Variants in GPR39 observed in about 807,000 individuals in gnomAD.
GPR39 encodes G protein-coupled receptor 39.
Under a neutral mutation model 18.4 loss-of-function variants are expected in GPR39, and 23 were observed. The observed-to-expected ratio is 1.25, with a 90% CI of 0.90 to 1.77. The LOEUF is 1.77. Ranked by LOEUF, GPR39 falls within the 40% of genes most tolerant of loss-of-function variation. The pLI is 0.00. For synonymous variants in GPR39, 280 were observed against 257.9 expected (o/e 1.09, Z -0.82); for missense variants, 647 against 602.4 (o/e 1.07, Z -0.78).
intron 1 of GPR39, among the ~76,000 whole-genome samples, chr2:132,611,939 C>G (rs376918570): frequency 1.3e-5 from 2 of 152,116 alleles, no homozygotes; most frequent in South Asian, 4.1e-4. Flanking sequence ...ATGACTGAAA[C>G]GGAGCTTCTC....
At chr2:132,602,310 G>T (rs1440085806) in intron 1 of GPR39, among the ~76,000 whole-genome samples, 1 of 152,110 alleles carries the variant, frequency 6.6e-6, no homozygotes, top group Non-Finnish European at 1.5e-5. Context: ...TCAATAAATG[G>T]TGCTGGGAAA....
At position 132,524,043 on chromosome 2, in the gene GPR39, G is replaced by A. The variant is rs559612547; in HGVS notation, c.856+106145G>A. On this transcript the variant is annotated intron_variant, in intron 1 of 1. Transcript: ENST00000329321. ...CCTGCTGAATCAGAAACTGGGAGTG[G>A]AGCCCAGGAATCTGTATTTTAACCA... 1.1e-3 allele frequency: 169 copies of A among 152,752 alleles called. 2 individuals are homozygous for A. Among genetic ancestry groups the A allele is most frequent in the Non-Finnish European group, 1.5e-3 (101 of 68,034 alleles). The allele number at this position is 152,752 out of a possible 1,614,324, so 9.5% of individuals were successfully genotyped here.
chr2:132,617,855 G>A (rs1245000830), intron 1 of GPR39, among the ~76,000 whole-genome samples: 1 of 152,198 alleles, frequency 6.6e-6, no homozygotes, highest in Non-Finnish European at 1.5e-5. Context: ...CAGTGTCCAT[G>A]TGTGATACTT....
chr2:132,596,811 A>G (rs1680958166), intron 1 of GPR39, among the ~76,000 whole-genome samples: 2 of 152,240 alleles, frequency 1.3e-5, no homozygotes, highest in South Asian at 4.1e-4. Flanking sequence ...ATCTCTGGGA[A>G]TGGAACTTCG....
chr2:132,515,501 A>G (rs897910478), intron 1 of GPR39, among the ~76,000 whole-genome samples: 1 of 152,162 alleles, frequency 6.6e-6, no homozygotes, highest in South Asian at 2.1e-4. Context: ...TGTGATGTTT[A>G]TCAGGTATCA....
At chr2:132,625,692 T>A (rs1681530214) in intron 1 of GPR39, among the ~76,000 whole-genome samples, 1 of 152,134 alleles carries the variant, frequency 6.6e-6, no homozygotes, top group Non-Finnish European at 1.5e-5. Context: ...TTGGAATGAG[T>A]TTTTATTCCT....
chr2:132,638,931 C>T (rs537686203), intron 1 of GPR39, among the ~76,000 whole-genome samples: 1 of 152,312 alleles, frequency 6.6e-6, no homozygotes, highest in Non-Finnish European at 1.5e-5. Flanking sequence ...AGCCTTGCAG[C>T]TCACAGAAGG....
At chr2:132,460,419 C>T (rs532006684) in intron 1 of GPR39, among the ~76,000 whole-genome samples, 3 of 152,008 alleles carry the variant, frequency 2.0e-5, no homozygotes, top group South Asian at 2.1e-4. Context: ...GGAGAAGATG[C>T]TGTTGTAGAA....
At chr2:132,573,056 A>C (rs912984877) in intron 1 of GPR39, among the ~76,000 whole-genome samples, 1 of 152,134 alleles carries the variant, frequency 6.6e-6, no homozygotes, top group Non-Finnish European at 1.5e-5. Context: ...CCCAATGGCC[A>C]TGGGCTGTAT....
rs1382267556 is a variant in GPR39 at position 132,645,154 on chromosome 2, A to C, written c.910A>C (p.Ile304Leu). ...CTGGATGCCCAACCAGATTCGGAGG[A>C]TCATGGCTGCGGCCAAACCCAAGCA... ...VCWMPNQIRRIMAAAKPKHDW... is the reference protein window; with the variant it reads ...VCWMPNQIRRLMAAAKPKHDW... The change falls in exon 2 of 2, where the codon ATC (isoleucine) becomes CTC (leucine). Residue 304 changes from isoleucine to leucine, a missense_variant. This residue lies in a region of GPR39 where 581 missense variants were observed against 506.8 expected (regional missense o/e 1.15). Coordinates refer to ENST00000329321, the MANE Select transcript of GPR39 (RefSeq NM_001508.3). 1 of 1,613,946 alleles carries C rather than the reference A, an allele frequency of 6.2e-7. No homozygotes were observed. The highest frequency in any genetic ancestry group is 8.5e-7 in the Non-Finnish European group (1 of 1,180,014).
At chr2:132,558,608 CG>C (rs1558839107) in intron 1 of GPR39, among the ~76,000 whole-genome samples, 1 of 152,122 alleles carries the variant, frequency 6.6e-6, no homozygotes, top group East Asian at 1.9e-4. Flanking sequence ...GAGATGAGGT[CG>C]GGGGAAAGAA....
chr2:132,430,609 A>G (rs1680208462), intron 1 of GPR39, among the ~76,000 whole-genome samples: 1 of 152,186 alleles, frequency 6.6e-6, no homozygotes, highest in Non-Finnish European at 1.5e-5. Context: ...AGCTTCAGGC[A>G]TCATCCCATC....
intron 1 of GPR39, among the ~76,000 whole-genome samples, chr2:132,553,350 T>C (rs1189395160): frequency 6.8e-6 from 1 of 147,344 alleles, no homozygotes; most frequent in Non-Finnish European, 1.5e-5. Flanking sequence ...TATATGTGTA[T>C]ATATATATGT....
At chr2:132,463,801 G>C (rs917690581) in intron 1 of GPR39, among the ~76,000 whole-genome samples, 2 of 152,186 alleles carry the variant, frequency 1.3e-5, no homozygotes, top group African/African-American at 4.8e-5. Context: ...TAATGTCTCT[G>C]CTGGTTTTGC....
chr2:132,518,214 G>A (rs964702621), intron 1 of GPR39, among the ~76,000 whole-genome samples: 2 of 152,110 alleles, frequency 1.3e-5, no homozygotes, highest in Admixed American at 1.3e-4. Context: ...ATTATTGAAA[G>A]CTAGGGTTTC....
intron 1 of GPR39, among the ~76,000 whole-genome samples, chr2:132,617,199 G>A (rs989145483): frequency 6.6e-6 from 1 of 151,546 alleles, no homozygotes; most frequent in South Asian, 2.1e-4. Context: ...TTCTGGCAGT[G>A]AACTTCCTTG....
intron 1 of GPR39, among the ~76,000 whole-genome samples, chr2:132,607,062 G>T (rs914493552): frequency 6.6e-6 from 1 of 152,132 alleles, no homozygotes; most frequent in Admixed American, 6.5e-5. Context: ...GTATTGAAAG[G>T]CTGGGGGCGG....
chr2:132,481,421 T>C (rs1434241007), intron 1 of GPR39, among the ~76,000 whole-genome samples: 1 of 152,224 alleles, frequency 6.6e-6, no homozygotes, highest in Non-Finnish European at 1.5e-5. Flanking sequence ...CATTTGAGTA[T>C]TGAGAAGTGT....
chr2:132,474,362 G>C (rs1466252233), intron 1 of GPR39, among the ~76,000 whole-genome samples: 1 of 152,162 alleles, frequency 6.6e-6, no homozygotes, highest in Non-Finnish European at 1.5e-5. Flanking sequence ...AGCACAGCTT[G>C]AGTAGGGGTG....
Sources: allele counts gnomAD v4.1 joint callset (sites outside exome capture counted in the v4.1 genomes callset), GRCh38; gene constraint gnomAD v4.1.1; regional missense constraint gnomAD v4.1.1; transcripts MANE v1.5; gene names NCBI Gene and HGNC (gene_info 2026-07-23, HGNC 2026-07-21).